Variants in PRKG1 observed in about 807,000 individuals in gnomAD.
PRKG1 encodes cGMP-dependent protein kinase 1.
In PRKG1, 35 loss-of-function variants were observed where a neutral mutation model predicts 88.1. That is an observed-to-expected ratio of 0.40 (90% confidence interval 0.30 to 0.53). The LOEUF is 0.53. Among genes scored for constraint, PRKG1 ranks in the 20% least tolerant of loss-of-function variants. The probability of loss-of-function intolerance (pLI) is 0.59; values close to 1 mark genes in which losing one functional copy is unlikely to be tolerated. For synonymous variants in PRKG1, 303 were observed against 292.5 expected (o/e 1.04, Z -0.37); for missense variants, 540 against 839.8 (o/e 0.64, Z 4.41).
At chr10:51,459,006 A>G (rs547491408) in intron 2 of PRKG1, among the ~76,000 whole-genome samples, 1 of 152,300 alleles carries the variant, frequency 6.6e-6, no homozygotes, top group African/African-American at 2.4e-5. Context: ...AATTGGATTT[A>G]GTATTCATTT....
intron 7 of PRKG1, among the ~76,000 whole-genome samples, chr10:52,109,835 C>G (rs1225864156): frequency 1.3e-5 from 2 of 151,872 alleles, no homozygotes. Flanking sequence ...ATATCACTGC[C>G]TTACATAGGT....
intron 2 of PRKG1, among the ~76,000 whole-genome samples, chr10:51,196,476 C>T (rs936859188): frequency 1.3e-5 from 2 of 152,060 alleles, no homozygotes; most frequent in Non-Finnish European, 2.9e-5. Flanking sequence ...ACACTAGAAA[C>T]CTTTGTCAGT....
At chr10:51,671,811 C>A (rs1015048062) in intron 3 of PRKG1, among the ~76,000 whole-genome samples, 8 of 152,160 alleles carry the variant, frequency 5.3e-5, no homozygotes, top group African/African-American at 7.2e-5. Flanking sequence ...TGGTCTTGAT[C>A]TCCTGACCTT....
At position 51,003,165 on chromosome 10, in the gene PRKG1, AAAC is replaced by A. The variant is rs67761270; in HGVS notation, c.266+11565_266+11567del. Among the ~76,000 whole-genome samples the A allele has an allele frequency of 4.7e-3, 713 of 151,062 alleles. 7 individuals carry two copies. The highest frequency in any genetic ancestry group is 4.4e-3 in the Non-Finnish European group (300 of 67,826). Reference sequence around the variant, plus strand: ...ATGCTTTCTCGTGTCTGCAGGGCCAAAACAACAACAACAACAACAACAACAACA... The same window carrying A: ...ATGCTTTCTCGTGTCTGCAGGGCCAAAACAACAACAACAACAACAACAACA... On this transcript the variant is annotated intron_variant, in intron 1 of 17. Transcript: ENST00000401604.
chr10:51,393,082 GGGGCTCCTCACTTCTCAGA>G (rs1837474590), intron 2 of PRKG1, among the ~76,000 whole-genome samples: 1 of 61,144 alleles, frequency 1.6e-5, no homozygotes. Context: ...GCCGGGCGGA[GGGGCTCCTCACTTCTCAGA>G]CGGGGCGGTT....
At chr10:51,468,854 T>C (rs1010113303) in intron 3 of PRKG1, among the ~76,000 whole-genome samples, 4 of 149,516 alleles carry the variant, frequency 2.7e-5, no homozygotes, top group Non-Finnish European at 6.0e-5. Flanking sequence ...GAAATTGGAT[T>C]TAAAAAAAAC....
intron 7 of PRKG1, among the ~76,000 whole-genome samples, chr10:52,082,782 T>C (rs904665172): frequency 6.6e-6 from 1 of 152,062 alleles, no homozygotes; most frequent in Non-Finnish European, 1.5e-5. Flanking sequence ...ACATTAGGGG[T>C]ATTTAGCGTA....
At chr10:51,302,177 A>T (rs1314154453) in intron 2 of PRKG1, among the ~76,000 whole-genome samples, 1 of 152,224 alleles carries the variant, frequency 6.6e-6, no homozygotes, top group African/African-American at 2.4e-5. Context: ...TAGGGGTTTA[A>T]TTGACACCTG....
chr10:51,957,682 G>T (rs1376314944), intron 5 of PRKG1, among the ~76,000 whole-genome samples: 1 of 152,126 alleles, frequency 6.6e-6, no homozygotes, highest in Non-Finnish European at 1.5e-5. Context: ...TTCTTTTCCA[G>T]AATAAGAGAG....
At position 51,602,380 on chromosome 10, in the gene PRKG1, C is replaced by T. The variant is rs535232364; in HGVS notation, c.592+134544C>T. Among the ~76,000 whole-genome samples the T allele has an allele frequency of 1.9e-3, 295 of 152,160 alleles. 2 individuals carry two copies. The highest frequency in any genetic ancestry group is 6.9e-3 in the African/African-American group (286 of 41,522). On this transcript the variant is annotated intron_variant, in intron 3 of 17. Transcript: ENST00000373980. The stretch of plus-strand genomic sequence containing the variant: ...CCATAACCTTATGTTTACTTGTAGA[C>T]ATTGTGAACTGTTCAACTGTTCATT...
At chr10:51,747,363 C>T (rs989039015) in intron 3 of PRKG1, among the ~76,000 whole-genome samples, 1 of 152,138 alleles carries the variant, frequency 6.6e-6, no homozygotes, top group Non-Finnish European at 1.5e-5. Flanking sequence ...GAAGAAGCCA[C>T]TCACTGATCA....
chr10:51,470,490 A>G (rs1840022561), intron 3 of PRKG1, among the ~76,000 whole-genome samples: 1 of 151,814 alleles, frequency 6.6e-6, no homozygotes, highest in Non-Finnish European at 1.5e-5. Flanking sequence ...AATGTTGATG[A>G]TCCTTTCTCT....
At chr10:51,126,322 T>G (rs1473117928) in intron 1 of PRKG1, among the ~76,000 whole-genome samples, 2 of 130,048 alleles carry the variant, frequency 1.5e-5, no homozygotes, top group Non-Finnish European at 1.5e-5. Flanking sequence ...ATTATTTATG[T>G]TTTTATATTT....
intron 5 of PRKG1, among the ~76,000 whole-genome samples, chr10:51,981,603 A>G (rs1282079387): frequency 6.6e-6 from 1 of 151,956 alleles, no homozygotes; most frequent in African/African-American, 2.4e-5. Flanking sequence ...AAATAAATAA[A>G]TAGCAAAAAA....
At chr10:51,504,978 A>G (rs1252077330) in intron 3 of PRKG1, among the ~76,000 whole-genome samples, 2 of 151,992 alleles carry the variant, frequency 1.3e-5, no homozygotes, top group Admixed American at 6.6e-5. Context: ...TCTCCTGCCT[A>G]ATTGCCCTGG....
rs1320704721 is a variant in PRKG1 at position 52,297,317 on chromosome 10, A to C, written c.*3417A>C. The C allele has an allele frequency of 6.6e-6, 1 of 152,094 alleles. No homozygotes were observed. The highest frequency in any genetic ancestry group is 1.5e-5 in the Non-Finnish European group (1 of 68,004). 9.4% of individuals were successfully genotyped at this position (152,094 alleles called of 1,614,324 possible). A position where few individuals can be genotyped will look rare whatever the true frequency, so the allele number is the denominator to read the frequency against. On this transcript the variant is annotated 3_prime_UTR_variant, in exon 18 of 18. Transcript: ENST00000373980. ...CTGTACTGTTATTCATCTGTCCCAT[A>C]GTTTAGAACATGACCTGGCTATCTG...
Position 51,615,898 on chromosome 10 carries a change from C to T in PRKG1, c.592+148062C>T, listed in dbSNP as rs998492662. ...CATATTTCCTTGCTTTTTCATTTTC[C>T]CTGTGTTCTGACCTTGATATCTGCA... On this transcript the variant is annotated intron_variant, in intron 3 of 17. Coordinates refer to ENST00000373980, the MANE Select transcript of PRKG1 (RefSeq NM_006258.4). Among the ~76,000 whole-genome samples, 32 of 151,552 alleles carry T rather than the reference C, an allele frequency of 2.1e-4. 1 individual carries two copies. The highest frequency in any genetic ancestry group is 7.8e-4 in the African/African-American group (32 of 41,232).
intron 1 of PRKG1, among the ~76,000 whole-genome samples, chr10:51,123,105 T>A (rs958065646): frequency 2.6e-5 from 4 of 152,190 alleles, no homozygotes; most frequent in Non-Finnish European, 5.9e-5. Flanking sequence ...TTCCCTGTGG[T>A]ATGCATTCTC....
chr10:51,778,299 G>A (rs571089112), intron 3 of PRKG1, among the ~76,000 whole-genome samples: 3 of 152,226 alleles, frequency 2.0e-5, no homozygotes, highest in East Asian at 1.9e-4. Context: ...TTCTGAGAAC[G>A]TAGAAATGTT....
Sources: allele counts gnomAD v4.1 joint callset (sites outside exome capture counted in the v4.1 genomes callset), GRCh38; gene constraint gnomAD v4.1.1; transcripts MANE v1.5; gene names NCBI Gene and HGNC (gene_info 2026-07-23, HGNC 2026-07-21).